SERPINE3: variants seen among roughly 807,000 people sequenced by gnomAD.
SERPINE3 encodes serpin family E member 3.
A neutral mutation model predicts 41.7 loss-of-function variants in SERPINE3; 43 were observed. The observed-to-expected ratio is 1.03, with a 90% CI of 0.81 to 1.33. SERPINE3 has a LOEUF of 1.33. SERPINE3 is among the 40% of genes most tolerant of loss of function. SERPINE3 has a pLI of 0.00. For synonymous variants in SERPINE3, 200 were observed against 192.2 expected, an observed-to-expected ratio of 1.04 and a Z score of -0.34; for missense variants, 440 against 491.7, an observed-to-expected ratio of 0.89 and a Z score of 0.99.
intron 8 of SERPINE3, 173 bp downstream of exon 8, chr13:51,361,537 G>A: frequency 1.7e-6 from 1 of 593,114 alleles, no homozygotes; most frequent in Non-Finnish European, 3.0e-6. Flanking sequence ...AAAATGACGG[G>A]GAAGAAGAGA....
At position 51,361,453 on chromosome 13, in the gene SERPINE3, T is replaced by C. The variant is rs549878134; in HGVS notation, c.1087+89T>C. 90 of 837,692 alleles carry C rather than the reference T, an allele frequency of 1.1e-4. 1 individual carries two copies. In the South Asian group the frequency reaches 1.4e-3, roughly 13 times the overall value. 51.9% of individuals were successfully genotyped at this position (837,692 alleles called of 1,614,324 possible). On this transcript the variant is annotated intron_variant, in intron 8 of 9. Coordinates refer to ENST00000681248, the MANE Select transcript of SERPINE3 (RefSeq NM_001386375.1). ...TTGAATCTTCACACTTCTGAATCTT[T>C]CCATAACCCCCAAGTTCAGGTGTGG...
At chr13:51,355,364 C>T (rs995971151) in intron 7 of SERPINE3, among the ~76,000 whole-genome samples, 3 of 152,156 alleles carry the variant, frequency 2.0e-5, no homozygotes, top group African/African-American at 7.2e-5. Context: ...TTTTCAGAGA[C>T]GACCTTCACC....
chr13:51,344,651 C>T (rs1314387461), intron 4 of SERPINE3, among the ~76,000 whole-genome samples, 166 bp downstream of exon 4: 1 of 152,088 alleles, frequency 6.6e-6, no homozygotes, highest in Non-Finnish European at 1.5e-5. Context: ...ACACTAAGTC[C>T]CTTTCTGCCT....
intron 7 of SERPINE3, 29 bp downstream of exon 7, chr13:51,355,172 T>A: frequency 8.7e-7 from 1 of 1,143,790 alleles, no homozygotes; most frequent in Non-Finnish European, 1.3e-6. Context: ...CCAAACGTTC[T>A]AGCCGTGTAT....
At chr13:51,361,688 TA>T in intron 8 of SERPINE3, 121 bp from the exon 9 acceptor site, 1 of 870,882 alleles carries the variant, frequency 1.1e-6, no homozygotes, top group Non-Finnish European at 1.7e-6. Flanking sequence ...ATCACAACAG[TA>T]AACAATCAAA....
rs752701045 is a variant in SERPINE3, at chr13:51,341,283, G to A, written c.192G>A (p.Leu64=). The A allele has an allele frequency of 5.6e-6, 9 of 1,613,728 alleles. No homozygotes were observed. The highest frequency in any genetic ancestry group is 4.2e-6 in the Non-Finnish European group (5 of 1,179,774). ...GTGTGTCCCTCCCCCTGGAGATCCTGCAGTTTGGAGCAGAAGGGAGCACTG... is the reference window on the plus strand; with the variant it reads ...GTGTGTCCCTCCCCCTGGAGATCCTACAGTTTGGAGCAGAAGGGAGCACTG... The part of the protein sequence containing the change: ...PAGVSLPLEI[L]QFGAEGSTGQ... Residue 64 remains leucine (L), a synonymous_variant, in exon 3 of 10, where the codon CTG becomes CTA. Transcript: ENST00000681248.
chr13:51,359,184 A>G (rs1955523997), intron 7 of SERPINE3, among the ~76,000 whole-genome samples: 1 of 152,094 alleles, frequency 6.6e-6, no homozygotes, highest in Non-Finnish European at 1.5e-5. Context: ...GGGAGTAGAA[A>G]AAGACCAGGA....
chr13:51,344,570 G>A (rs901559169), intron 4 of SERPINE3, 85 bp downstream of exon 4: 19 of 1,080,150 alleles, frequency 1.8e-5, no homozygotes, highest in Non-Finnish European at 2.5e-5. Flanking sequence ...AGAGGCCATG[G>A]TGCTCAGGCC....
At chr13:51,351,102 C>T (rs1035738697) in intron 6 of SERPINE3, among the ~76,000 whole-genome samples, 2 of 152,076 alleles carry the variant, frequency 1.3e-5, no homozygotes, top group East Asian at 3.8e-4. Context: ...TCTTGGCCAC[C>T]AGAAACAATC....
At chr13:51,356,892 C>T (rs2137811399) in intron 7 of SERPINE3, among the ~76,000 whole-genome samples, 1 of 152,014 alleles carries the variant, frequency 6.6e-6, no homozygotes, top group South Asian at 2.1e-4. Flanking sequence ...TTATCATGTG[C>T]CAAGTATGAA....
At chr13:51,364,159 A>G (rs1955638952) in intron 9 of SERPINE3, 80 bp from the exon 10 acceptor site, 5 of 637,894 alleles carry the variant, frequency 7.8e-6, no homozygotes, top group Non-Finnish European at 1.3e-5. Flanking sequence ...ACTTAAAAGT[A>G]TTTGTATAGA....
chr13:51,358,743 T>C (rs1020539737), intron 7 of SERPINE3, among the ~76,000 whole-genome samples: 1 of 152,018 alleles, frequency 6.6e-6, no homozygotes, highest in Non-Finnish European at 1.5e-5. Flanking sequence ...TAAAAACCCA[T>C]AGAAGATGTT....
chr13:51,357,114 C>G (rs1348377036), intron 7 of SERPINE3, among the ~76,000 whole-genome samples: 1 of 152,158 alleles, frequency 6.6e-6, no homozygotes, highest in Non-Finnish European at 1.5e-5. Context: ...AGACAGACAC[C>G]ATATGGCTTG....
At chr13:51,359,855 T>C (rs907403198) in intron 7 of SERPINE3, among the ~76,000 whole-genome samples, 1 of 152,086 alleles carries the variant, frequency 6.6e-6, no homozygotes, top group African/African-American at 2.4e-5. Flanking sequence ...GGGCTAATTA[T>C]TGATAGTGAA....
At position 51,348,481 on chromosome 13, in the gene SERPINE3, G is replaced by A. The variant is rs985931440; in HGVS notation, c.899+70G>A. On this transcript the variant is annotated intron_variant, in intron 6 of 9. Transcript: ENST00000681248. ...CAGAAGAGCGTGGATTTGCACACAGGTGGTCTGCCTCCAGGGTCTGTGCTT... is the reference window on the plus strand; with the variant it reads ...CAGAAGAGCGTGGATTTGCACACAGATGGTCTGCCTCCAGGGTCTGTGCTT... 2.2e-6 allele frequency: 3 copies of A among 1,336,872 alleles called. No individual in the cohort carries two copies. In the African/African-American group the frequency reaches 4.3e-5, roughly 19 times the overall value. The allele number at this position is 1,336,872 out of a possible 1,614,324, so 82.8% of individuals were successfully genotyped here. A position where few individuals can be genotyped will look rare whatever the true frequency, so the allele number is the denominator to read the frequency against.
intron 7 of SERPINE3, among the ~76,000 whole-genome samples, chr13:51,359,679 T>G (rs1955532555): frequency 6.6e-6 from 1 of 152,104 alleles, no homozygotes; most frequent in Non-Finnish European, 1.5e-5. Context: ...AATCTCTGCT[T>G]ATTTCACCAA....
chr13:51,346,776 A>G (rs564805077), intron 4 of SERPINE3, among the ~76,000 whole-genome samples: 1 of 152,344 alleles, frequency 6.6e-6, no homozygotes, highest in Admixed American at 6.5e-5. Context: ...CATATCGCTC[A>G]ACAGTCCCCA....
At chr13:51,359,443 T>C (rs1955528544) in intron 7 of SERPINE3, among the ~76,000 whole-genome samples, 1 of 152,156 alleles carries the variant, frequency 6.6e-6, no homozygotes, top group Non-Finnish European at 1.5e-5. Context: ...CCTTGGTTTA[T>C]GGCTGTGCAA....
intron 3 of SERPINE3, among the ~76,000 whole-genome samples, chr13:51,343,242 G>T (rs531012451): frequency 1.1e-4 from 17 of 152,308 alleles, no homozygotes; most frequent in Non-Finnish European, 2.2e-4. Context: ...TACAGGGAGG[G>T]TTTGTAGATA....
Sources: allele counts gnomAD v4.1 joint callset (sites outside exome capture counted in the v4.1 genomes callset), GRCh38; gene constraint gnomAD v4.1.1; transcripts MANE v1.5; gene names NCBI Gene and HGNC (gene_info 2026-07-23, HGNC 2026-07-21).